Variants in VPS41 observed in about 807,000 individuals in gnomAD.
The protein encoded by VPS41 is vacuolar protein sorting-associated protein 41 homolog.
A neutral mutation model predicts 130.9 loss-of-function variants in VPS41; 85 were observed. The observed-to-expected ratio is 0.65, with a 90% CI of 0.55 to 0.78. The LOEUF (loss-of-function observed/expected upper bound fraction) is 0.78, where lower values mean the gene tolerates loss of function less well. Among genes scored for constraint, VPS41 ranks in the 30% least tolerant of loss-of-function variants. VPS41 has a pLI of 0.00. For synonymous variants in VPS41, 335 were observed against 332.9 expected (o/e 1.01, Z -0.07); for missense variants, 874 against 1,018.7 (o/e 0.86, Z 1.93).
intron 16 of VPS41, among the ~76,000 whole-genome samples, chr7:38,764,296 T>C (rs1783983230): frequency 6.6e-6 from 1 of 152,016 alleles, no homozygotes; most frequent in Non-Finnish European, 1.5e-5. Context: ...GCAGGGGGAA[T>C]AGCATGAGCA....
At chr7:38,824,621 C>A (rs1305316584) in intron 5 of VPS41, among the ~76,000 whole-genome samples, 1 of 151,786 alleles carries the variant, frequency 6.6e-6, no homozygotes, top group East Asian at 1.9e-4. Context: ...TATCTTTTTA[C>A]CTAAAGTGTA....
intron 27 of VPS41, 182 bp downstream of exon 27, chr7:38,728,360 A>C (rs1199272754): frequency 1.3e-6 from 1 of 758,404 alleles, no homozygotes; most frequent in African/African-American, 1.7e-5. Context: ...TGAGAACCTC[A>C]GCTCTAAGCA....
chr7:38,802,335 T>C (rs1033555704), intron 7 of VPS41, among the ~76,000 whole-genome samples: 3 of 152,188 alleles, frequency 2.0e-5, no homozygotes, highest in African/African-American at 7.2e-5. Flanking sequence ...GTTACCTGCC[T>C]GGCCCCGTCG....
At chr7:38,857,665 T>C (rs531313414) in intron 4 of VPS41, among the ~76,000 whole-genome samples, 1 of 152,316 alleles carries the variant, frequency 6.6e-6, no homozygotes, top group African/African-American at 2.4e-5. Flanking sequence ...AGAGACCACA[T>C]ATACCCACTG....
chr7:38,740,744 C>T (rs535980441), intron 25 of VPS41, among the ~76,000 whole-genome samples: 11 of 152,174 alleles, frequency 7.2e-5, no homozygotes, highest in African/African-American at 2.6e-4. Context: ...CTTTTAAAGT[C>T]GTGTTGTCCA....
chr7:38,782,943 C>T (rs1414044855), intron 10 of VPS41, among the ~76,000 whole-genome samples: 2 of 151,792 alleles, frequency 1.3e-5, no homozygotes, highest in Admixed American at 1.3e-4. Flanking sequence ...ATGGTAAAAC[C>T]CCGCCTCTAT....
intron 23 of VPS41, among the ~76,000 whole-genome samples, chr7:38,744,066 A>T (rs1795938616): frequency 6.6e-6 from 1 of 152,208 alleles, no homozygotes; most frequent in Non-Finnish European, 1.5e-5. Context: ...TGCCAACTGC[A>T]AACTCAACTA....
At chr7:38,776,473 C>T (rs1250029359) in intron 11 of VPS41, among the ~76,000 whole-genome samples, 1 of 152,038 alleles carries the variant, frequency 6.6e-6, no homozygotes, top group Non-Finnish European at 1.5e-5. Flanking sequence ...TTTTTTGGCT[C>T]AGCAATAGGA....
intron 4 of VPS41, among the ~76,000 whole-genome samples, chr7:38,835,680 C>T (rs1367437807): frequency 6.6e-6 from 1 of 151,424 alleles, no homozygotes; most frequent in African/African-American, 2.4e-5. Context: ...TAAAATCATG[C>T]TATTTATATT....
At chr7:38,834,811 A>G (rs1450036778) in intron 4 of VPS41, among the ~76,000 whole-genome samples, 1 of 151,868 alleles carries the variant, frequency 6.6e-6, no homozygotes, top group African/African-American at 2.4e-5. Flanking sequence ...TTGTCAAGCT[A>G]CTCAAATGTT....
At chr7:38,872,317 A>C (rs1786383440) in intron 2 of VPS41, among the ~76,000 whole-genome samples, 1 of 152,216 alleles carries the variant, frequency 6.6e-6, no homozygotes, top group East Asian at 1.9e-4. Flanking sequence ...AGCCCCATCC[A>C]TGTTTCATAT....
intron 4 of VPS41, among the ~76,000 whole-genome samples, chr7:38,835,126 C>T (rs978087621): frequency 1.3e-5 from 2 of 151,926 alleles, no homozygotes; most frequent in African/African-American, 4.8e-5. Context: ...AGATATCTTA[C>T]AGGTATAAGT....
intron 5 of VPS41, among the ~76,000 whole-genome samples, chr7:38,823,868 A>C (rs1056296472): frequency 6.6e-6 from 1 of 152,246 alleles, no homozygotes; most frequent in Non-Finnish European, 1.5e-5. Context: ...TTCAGAGGGT[A>C]TAAAGTCATT....
intron 9 of VPS41, among the ~76,000 whole-genome samples, chr7:38,792,782 C>A (rs946441706): frequency 6.6e-6 from 1 of 152,054 alleles, no homozygotes; most frequent in African/African-American, 2.4e-5. Context: ...TCTCAAGGGC[C>A]CCTGGGCTCC....
At chr7:38,791,807 G>A (rs1344748767) in intron 9 of VPS41, among the ~76,000 whole-genome samples, 1 of 152,146 alleles carries the variant, frequency 6.6e-6, no homozygotes, top group Non-Finnish European at 1.5e-5. Context: ...CATCTGACCT[G>A]CACTTAGATT....
chr7:38,768,006 A>C (rs899724557), intron 14 of VPS41, among the ~76,000 whole-genome samples: 2 of 152,178 alleles, frequency 1.3e-5, no homozygotes, highest in Admixed American at 1.3e-4. Context: ...TTCTACCCCA[A>C]GTCTGAAGAG....
rs1795560460 is a variant in VPS41 at position 38,727,118 on chromosome 7, T to A, written c.2405-130A>T. ...AGGTGCCTTTAGAGAATGGCTTATT[T>A]ACAAAAGCATTCCTGAGGGGTGGTA... On this transcript the variant is annotated intron_variant, in intron 27 of 28. Coordinates refer to ENST00000310301, the MANE Select transcript of VPS41 (RefSeq NM_014396.4). The A allele has an allele frequency of 5.5e-6, 4 of 724,826 alleles. No individual in the cohort carries two copies. In the South Asian group the frequency reaches 1.3e-4, roughly 24 times the overall value. The allele number at this position is 724,826 out of a possible 1,614,324, so 44.9% of individuals were successfully genotyped here. A position where few individuals can be genotyped will look rare whatever the true frequency, so the allele number is the denominator to read the frequency against.
At chr7:38,817,234 T>G (rs1323131971) in intron 7 of VPS41, among the ~76,000 whole-genome samples, 1 of 152,236 alleles carries the variant, frequency 6.6e-6, no homozygotes, top group Non-Finnish European at 1.5e-5. Flanking sequence ...TGCCTCTTTT[T>G]TGTGGGAGGG....
chr7:38,784,747 C>T (rs770492651), intron 10 of VPS41, among the ~76,000 whole-genome samples: 6 of 152,148 alleles, frequency 3.9e-5, no homozygotes, highest in Non-Finnish European at 7.4e-5. Flanking sequence ...GAAGTGAGGG[C>T]TCTCTGGTGA....
Sources: gnomAD v4.1 joint callset for allele counts (sites outside exome capture counted in the v4.1 genomes callset) on GRCh38, gnomAD v4.1.1 for gene constraint, MANE v1.5 for transcripts, NCBI Gene and HGNC (gene_info 2026-07-23, HGNC 2026-07-21) for gene names.